The following THSD4 variants were observed in gnomAD, a reference collection of about 807,000 sequenced individuals.
The protein encoded by THSD4 is thrombospondin type 1 domain containing 4, also known as thrombospondin type-1 domain-containing protein 4.
A neutral mutation model predicts 119.0 loss-of-function variants in THSD4; 69 were observed. The observed-to-expected ratio is 0.58, with a 90% confidence interval of 0.48 to 0.71. THSD4 has a LOEUF of 0.71. Ranked by LOEUF, THSD4 falls within the 30% of genes least tolerant of loss-of-function variation. The pLI is 0.00. For missense variants in THSD4, 1,393 were observed against 1,391.1 expected, an observed-to-expected ratio of 1.00 and a Z score of -0.02; for synonymous variants, 524 against 540.4, an observed-to-expected ratio of 0.97 and a Z score of 0.42.
intron 7 of THSD4, among the ~76,000 whole-genome samples, chr15:71,617,666 A>G (rs1398100122): frequency 6.6e-6 from 1 of 152,144 alleles, no homozygotes; most frequent in African/African-American, 2.4e-5. Context: ...AAAAATACAG[A>G]TGTTATTACC....
At chr15:71,277,415 C>T (rs1233077539) in intron 6 of THSD4, among the ~76,000 whole-genome samples, 4 of 152,056 alleles carry the variant, frequency 2.6e-5, no homozygotes, top group African/African-American at 9.7e-5. Flanking sequence ...TGTGAGCCGC[C>T]GTGCCTGGCC....
At chr15:71,154,807 G>T (rs2040760397) in intron 2 of THSD4, 56 bp from the exon 3 acceptor site, 1 of 1,569,804 alleles carries the variant, frequency 6.4e-7, no homozygotes, top group South Asian at 1.1e-5. Flanking sequence ...CCTTCCCTGG[G>T]TGCTGCTGCC....
chr15:71,301,541 C>T (rs1381353272), intron 6 of THSD4, among the ~76,000 whole-genome samples: 1 of 152,140 alleles, frequency 6.6e-6, no homozygotes, highest in African/African-American at 2.4e-5. Flanking sequence ...GAGATCTCTT[C>T]TGTAATATGT....
At chr15:71,640,615 A>T (rs947318349) in intron 7 of THSD4, among the ~76,000 whole-genome samples, 3 of 152,182 alleles carry the variant, frequency 2.0e-5, no homozygotes, top group Non-Finnish European at 2.9e-5. Context: ...ATTATTGTTT[A>T]AAAACTTCAG....
intron 7 of THSD4, among the ~76,000 whole-genome samples, chr15:71,476,569 C>T (rs1595804840): frequency 6.6e-6 from 1 of 152,342 alleles, no homozygotes; most frequent in South Asian, 2.1e-4. Flanking sequence ...TGATACTCAG[C>T]TGCCCTTAGC....
intron 8 of THSD4, among the ~76,000 whole-genome samples, chr15:71,666,756 G>A (rs2051425443): frequency 1.3e-5 from 2 of 152,216 alleles, no homozygotes; most frequent in South Asian, 4.1e-4. Flanking sequence ...ACGGAGGCAT[G>A]TATTCCAGAA....
intron 4 of THSD4, among the ~76,000 whole-genome samples, chr15:71,235,583 CTTTTT>C (rs1555457033): frequency 7.9e-6 from 1 of 127,314 alleles, no homozygotes; most frequent in Non-Finnish European, 1.7e-5. Context: ...CCACCTCTCT[CTTTTT>C]TTTTTTTTTT....
At chr15:71,752,359 G>A (rs557193196) in intron 14 of THSD4, among the ~76,000 whole-genome samples, 11 of 152,272 alleles carry the variant, frequency 7.2e-5, no homozygotes, top group South Asian at 4.1e-4. Flanking sequence ...AGTTCTTGCC[G>A]AATCTAGCTT....
chr15:71,291,806 CA>C (rs1245230143), intron 6 of THSD4, among the ~76,000 whole-genome samples: 1 of 152,154 alleles, frequency 6.6e-6, no homozygotes, highest in African/African-American at 2.4e-5. Context: ...TACTCAAACA[CA>C]TAACCTACCA....
intron 6 of THSD4, among the ~76,000 whole-genome samples, chr15:71,386,158 G>A (rs1361633790): frequency 6.6e-6 from 1 of 152,172 alleles, no homozygotes; most frequent in Non-Finnish European, 1.5e-5. Context: ...AAATCAGAGA[G>A]TGACAACCAC....
chr15:71,496,378 C>T (rs529863281), intron 7 of THSD4, among the ~76,000 whole-genome samples: 3 of 152,202 alleles, frequency 2.0e-5, no homozygotes, highest in South Asian at 4.2e-4. Context: ...CCTATAGTCC[C>T]AAAGGTGGTT....
chr15:71,481,006 T>A (rs901425148), intron 7 of THSD4, among the ~76,000 whole-genome samples: 3 of 152,214 alleles, frequency 2.0e-5, no homozygotes, highest in Non-Finnish European at 4.4e-5. Flanking sequence ...AAGTTTTAAT[T>A]TTTATGCCTG....
rs1160202317 is a variant in THSD4 at position 71,582,465 on chromosome 15, G to A, written c.1153-78065G>A. On this transcript the variant is annotated intron_variant, in intron 7 of 17. Transcript: ENST00000261862. Reference sequence around the variant, plus strand: ...GATTTTTTTCCTTTCGAATTTGGATGCCTTTTATTTCTTTTTCTTGCTTAC... The same window carrying A: ...GATTTTTTTCCTTTCGAATTTGGATACCTTTTATTTCTTTTTCTTGCTTAC... 6.6e-5 allele frequency among the ~76,000 whole-genome samples: 10 copies of A among 151,974 alleles called. 1 individual carries two copies. The highest frequency in any genetic ancestry group is 1.3e-4 in the Non-Finnish European group (9 of 67,932).
intron 7 of THSD4, among the ~76,000 whole-genome samples, chr15:71,577,142 A>G (rs1280056852): frequency 6.6e-6 from 1 of 151,888 alleles, no homozygotes; most frequent in African/African-American, 2.4e-5. Context: ...CATATTCAAA[A>G]TTATCTCACC....
intron 7 of THSD4, among the ~76,000 whole-genome samples, chr15:71,520,292 C>T (rs969968812): frequency 1.4e-4 from 21 of 152,076 alleles, no homozygotes; most frequent in African/African-American, 4.3e-4. Flanking sequence ...GCAAACGTGA[C>T]CTGGGAGGTT....
chr15:71,135,816 A>G (rs1053138634), intron 1 of THSD4, among the ~76,000 whole-genome samples: 2 of 151,722 alleles, frequency 1.3e-5, no homozygotes, highest in Non-Finnish European at 2.9e-5. Context: ...CCTCCTCCCA[A>G]TAACTTCCTT....
chr15:71,553,464 T>TTGTGCC lies in THSD4; in HGVS notation c.1153-107066_1153-107065insTGTGCC, dbSNP rs1325014327. ...CCTCAGCCTCCTGAGTAGCTGGAAT[T>TTGTGCC]ACAGGTTTTGTGCCACCACACCCAG... On this transcript the variant is annotated intron_variant, in intron 7 of 17. Transcript: ENST00000261862. Among the ~76,000 whole-genome samples, 9 of 152,094 alleles carry TTGTGCC rather than the reference T, an allele frequency of 5.9e-5. No homozygotes were observed. In the East Asian group the frequency reaches 7.7e-4, roughly 13 times the overall value.
Position 71,415,955 on chromosome 15 carries a change from C to T in THSD4, c.1152+4132C>T, listed in dbSNP as rs572826988. 1.6e-4 allele frequency among the ~76,000 whole-genome samples: 25 copies of T among 152,272 alleles called. No homozygotes were observed. The South Asian group carries it at 5.2e-3, about 32-fold the overall frequency. ...GGGATTACAGACATGTGCCAACACA[C>T]CTGGCTAATTTTTGTATTTTTAGTA... On this transcript the variant is annotated intron_variant, in intron 7 of 17. Coordinates refer to ENST00000261862, the MANE Select transcript of THSD4 (RefSeq NM_024817.3).
chr15:71,577,399 T>G (rs1033067483), intron 7 of THSD4, among the ~76,000 whole-genome samples: 11 of 152,210 alleles, frequency 7.2e-5, no homozygotes, highest in Non-Finnish European at 1.6e-4. Flanking sequence ...TCTCACATGT[T>G]AAACATGATG....
Sources: gnomAD v4.1 joint callset for allele counts (sites outside exome capture counted in the v4.1 genomes callset) on GRCh38, gnomAD v4.1.1 for gene constraint, MANE v1.5 for transcripts, NCBI Gene and HGNC (gene_info 2026-07-23, HGNC 2026-07-21) for gene names.